PRKAR2A: variants seen among roughly 807,000 people sequenced by gnomAD.
PRKAR2A encodes cAMP-dependent protein kinase type II-alpha regulatory subunit.
Under a neutral mutation model 51.9 loss-of-function variants are expected in PRKAR2A, and 29 were observed. That is an observed-to-expected ratio of 0.56 (90% confidence interval 0.42 to 0.76). The LOEUF (loss-of-function observed/expected upper bound fraction) is 0.76. Among genes scored for constraint, PRKAR2A ranks in the 30% least tolerant of loss-of-function variants. The pLI, the probability that PRKAR2A is intolerant of heterozygous loss-of-function variation, is 0.00. For synonymous variants in PRKAR2A, 178 were observed against 186.2 expected (o/e 0.96, Z 0.36); for missense variants, 445 against 512.1 (o/e 0.87, Z 1.26).
At position 48,749,857 on chromosome 3, in the gene PRKAR2A, T is replaced by C. The variant is rs1011245987; in HGVS notation, c.*1728A>G. 5 of 151,984 alleles carry C rather than the reference T, an allele frequency of 3.3e-5. No individual in the cohort carries two copies. In the South Asian group the frequency reaches 6.2e-4, roughly 19 times the overall value. The allele number at this position is 151,984 out of a possible 1,614,324, so 9.4% of individuals were successfully genotyped here. A position where few individuals can be genotyped will look rare whatever the true frequency, so the allele number is the denominator to read the frequency against. On this transcript the variant is annotated 3_prime_UTR_variant, in exon 11 of 11. Coordinates refer to ENST00000265563, the MANE Select transcript of PRKAR2A (RefSeq NM_004157.4). The stretch of plus-strand genomic sequence containing the variant: ...CTGACAAACTCCATATACATGAATA[T>C]GTCCAAGTGAAATTACCTAAAGAAT...
At chr3:48,819,841 G>C (rs961782043) in intron 1 of PRKAR2A, among the ~76,000 whole-genome samples, 44 of 152,178 alleles carry the variant, frequency 2.9e-4, no homozygotes, top group Non-Finnish European at 2.9e-5. Flanking sequence ...CCATACCACT[G>C]TGTCAACCCA....
At chr3:48,823,203 G>A (rs537388961) in intron 1 of PRKAR2A, among the ~76,000 whole-genome samples, 3 of 152,090 alleles carry the variant, frequency 2.0e-5, no homozygotes, top group Non-Finnish European at 4.4e-5. Context: ...ACTGTGCCTG[G>A]CCCTTCAAGT....
chr3:48,828,514 T>C (rs2083107052), intron 1 of PRKAR2A, among the ~76,000 whole-genome samples: 1 of 151,550 alleles, frequency 6.6e-6, no homozygotes, highest in Non-Finnish European at 1.5e-5. Flanking sequence ...GCCCGAAAAG[T>C]TCAAGACCAA....
chr3:48,750,753 G>C lies in PRKAR2A; in HGVS notation c.*832C>G, dbSNP rs898544492. 1 of 153,070 alleles carries C rather than the reference G, an allele frequency of 6.5e-6. No individual in the cohort carries two copies. Among genetic ancestry groups the C allele is most frequent in the African/African-American group, 2.4e-5 (1 of 41,392 alleles). The allele number at this position is 153,070 out of a possible 1,614,324, so 9.5% of individuals were successfully genotyped here. A position where few individuals can be genotyped will look rare whatever the true frequency, so the allele number is the denominator to read the frequency against. On this transcript the variant is annotated 3_prime_UTR_variant, in exon 11 of 11. Coordinates refer to ENST00000265563, the MANE Select transcript of PRKAR2A (RefSeq NM_004157.4). ...CTCCAGACCCTGGCTCCTTATAAAT[G>C]TATAGCAATTCATTCATACAAACTG...
intron 1 of PRKAR2A, among the ~76,000 whole-genome samples, chr3:48,829,872 T>TATG (rs1491401730): frequency 1.7e-5 from 1 of 59,692 alleles, no homozygotes; most frequent in Non-Finnish European, 3.0e-5. Context: ...TATATATATA[T>TATG]TTTTTTTTTT....
intron 5 of PRKAR2A, among the ~76,000 whole-genome samples, chr3:48,779,455 G>A (rs1014688726): frequency 6.6e-6 from 1 of 151,998 alleles, no homozygotes; most frequent in African/African-American, 2.4e-5. Flanking sequence ...GGGGAAAGGT[G>A]GCTGCTGGAG....
intron 9 of PRKAR2A, among the ~76,000 whole-genome samples, chr3:48,755,231 C>T (rs556360887): frequency 1.4e-3 from 207 of 151,958 alleles, no homozygotes; most frequent in Non-Finnish European, 2.4e-3. Flanking sequence ...CTCCTGACCT[C>T]GTGATCTGCC....
chr3:48,815,384 G>C (rs1354261482), intron 1 of PRKAR2A, among the ~76,000 whole-genome samples: 3 of 151,032 alleles, frequency 2.0e-5, no homozygotes, highest in Admixed American at 6.6e-5. Context: ...CAAAAAGTAA[G>C]TCAGCTTTAT....
chr3:48,815,303 T>C (rs549249502), intron 1 of PRKAR2A, among the ~76,000 whole-genome samples: 1 of 151,934 alleles, frequency 6.6e-6, no homozygotes, highest in Middle Eastern at 3.5e-3. Flanking sequence ...CACATACACA[T>C]ACATATAAAA....
chr3:48,841,025 G>A (rs1399801967), intron 1 of PRKAR2A, among the ~76,000 whole-genome samples: 1 of 150,616 alleles, frequency 6.6e-6, no homozygotes, highest in Admixed American at 6.7e-5. Flanking sequence ...GGGATTACAG[G>A]CGCACACCAC....
In PRKAR2A at chr3:48,847,275, A is replaced by C; in HGVS notation, c.262+60T>G. On this transcript the variant is annotated intron_variant, in intron 1 of 10. Transcript: ENST00000265563. This position sits in a 1 kb window ranked among gnomAD's most constrained non-coding sequence, Gnocchi z 4.4. ...GCGGCGCGACACCTGGCTCCCTGCC[A>C]CCCCTCTAGACCTCTGGAGACCTCC... 6.4e-7 allele frequency: 1 copy of C among 1,553,300 alleles called. No individual in the cohort carries two copies. The highest frequency in any genetic ancestry group is 8.7e-7 in the Non-Finnish European group (1 of 1,146,948).
At chr3:48,838,571 C>A (rs1017810630) in intron 1 of PRKAR2A, among the ~76,000 whole-genome samples, 17 of 151,364 alleles carry the variant, frequency 1.1e-4, no homozygotes, top group Middle Eastern at 3.4e-3. Context: ...CTCACCACTG[C>A]ACTCCAGCCT....
chr3:48,792,664 T>C (rs2082410653), intron 3 of PRKAR2A, among the ~76,000 whole-genome samples: 2 of 151,670 alleles, frequency 1.3e-5, no homozygotes, highest in South Asian at 4.2e-4. Flanking sequence ...TTTCGCCATG[T>C]TGGCCAGGCT....
Position 48,793,983 on chromosome 3 carries a change from G to C in PRKAR2A, c.351+14C>G, listed in dbSNP as rs371462177. The C allele has an allele frequency of 5.3e-5, 83 of 1,578,500 alleles. No individual in the cohort carries two copies. In the African/African-American group the frequency reaches 8.0e-4, roughly 15 times the overall value. On this transcript the variant is annotated intron_variant, in intron 3 of 10. Coordinates refer to ENST00000265563, the MANE Select transcript of PRKAR2A (RefSeq NM_004157.4). ...TAGAACAATTCTACCTAACATCTTT[G>C]CTTTGGGTCTTACCCTTGGATCTGT... is the stretch of plus-strand genomic sequence containing the variant.
chr3:48,828,121 C>G (rs554871848), intron 1 of PRKAR2A, among the ~76,000 whole-genome samples: 1 of 152,218 alleles, frequency 6.6e-6, no homozygotes, highest in Non-Finnish European at 1.5e-5. Context: ...CCACCTCTGC[C>G]TCCTAAAGTG....
chr3:48,757,375 G>C (rs916523435), intron 8 of PRKAR2A, among the ~76,000 whole-genome samples: 1 of 151,996 alleles, frequency 6.6e-6, no homozygotes, highest in Non-Finnish European at 1.5e-5. Flanking sequence ...AAATATATCC[G>C]TTCTTCAAAA....
intron 4 of PRKAR2A, among the ~76,000 whole-genome samples, chr3:48,783,881 A>T (rs1018544834): frequency 6.6e-6 from 1 of 152,176 alleles, no homozygotes; most frequent in African/African-American, 2.4e-5. Context: ...ACGTCCGGTG[A>T]ACTCCAGTTT....
At chr3:48,770,632 A>G (rs969094676) in intron 6 of PRKAR2A, among the ~76,000 whole-genome samples, 5 of 152,176 alleles carry the variant, frequency 3.3e-5, no homozygotes, top group Admixed American at 2.0e-4. Context: ...ATATCTTGAT[A>G]GGTCACTGAC....
At chr3:48,812,133 GAAAAA>G (rs1042519663) in intron 1 of PRKAR2A, among the ~76,000 whole-genome samples, 1 of 145,358 alleles carries the variant, frequency 6.9e-6, no homozygotes, top group East Asian at 2.0e-4. Context: ...ATAAAGCTCT[GAAAAA>G]AAAAACTATT....
Sources: allele counts gnomAD v4.1 joint callset (sites outside exome capture counted in the v4.1 genomes callset), GRCh38; gene constraint gnomAD v4.1.1; non-coding constraint Gnocchi (gnomAD v3.1); transcripts MANE v1.5; gene names NCBI Gene and HGNC (gene_info 2026-07-23, HGNC 2026-07-21).